MAST4: variants seen among roughly 807,000 people sequenced by gnomAD.
MAST4 encodes the protein microtubule-associated serine/threonine-protein kinase 4.
MAST4 carries 89 observed loss-of-function variants against 162.7 expected under a neutral mutation model. That is an observed-to-expected ratio of 0.55 (90% CI 0.46 to 0.65). The LOEUF is 0.65. Among genes scored for constraint, MAST4 ranks in the 30% least tolerant of loss-of-function variants. The probability of loss-of-function intolerance (pLI) is 0.00; values close to 1 mark genes in which losing one functional copy is unlikely to be tolerated. For missense variants in MAST4, 3,153 were observed against 3,374.0 expected (o/e 0.93, Z 1.62); for synonymous variants, 1,479 against 1,361.1 (o/e 1.09, Z -1.91).
chr5:66,720,154 A>AT (rs1272708011), intron 1 of MAST4, among the ~76,000 whole-genome samples: 2 of 135,650 alleles, frequency 1.5e-5, no homozygotes, highest in Admixed American at 7.8e-5. Context: ...GTTTATTAAA[A>AT]TTTTTTTATC....
At chr5:66,811,898 T>G (rs540415740) in intron 3 of MAST4, among the ~76,000 whole-genome samples, 1 of 152,302 alleles carries the variant, frequency 6.6e-6, no homozygotes, top group African/African-American at 2.4e-5. Context: ...CCTGGTGACT[T>G]TAGGAATCAA....
At chr5:66,832,593 T>C (rs577590576) in intron 3 of MAST4, among the ~76,000 whole-genome samples, 2 of 152,332 alleles carry the variant, frequency 1.3e-5, no homozygotes, top group South Asian at 4.1e-4. Flanking sequence ...AATCTGCCTC[T>C]GTCTCATGGT....
At chr5:66,733,476 A>G (rs1184012014) in intron 1 of MAST4, among the ~76,000 whole-genome samples, 3 of 152,162 alleles carry the variant, frequency 2.0e-5, no homozygotes, top group Non-Finnish European at 2.9e-5. Flanking sequence ...AATTGGCTTA[A>G]TGGGTCATTA....
intron 1 of MAST4, among the ~76,000 whole-genome samples, chr5:66,637,241 C>CT (rs11397237): frequency 0.72 from 104,213 of 145,654 alleles, 37,275 homozygotes; most frequent in East Asian, 0.86. Context: ...TATTTCCATT[C>CT]TTTTTTTTTT....
At chr5:67,074,853 G>T (rs899739838) in intron 5 of MAST4, among the ~76,000 whole-genome samples, 1 of 152,180 alleles carries the variant, frequency 6.6e-6, no homozygotes, top group Non-Finnish European at 1.5e-5. Flanking sequence ...GTTAGAGTCA[G>T]ATTTTAAAAA....
chr5:67,078,911 A>AATAAATATATATATATAATATATATAT (rs1227485756), intron 5 of MAST4, among the ~76,000 whole-genome samples: 1 of 38,110 alleles, frequency 2.6e-5, no homozygotes, highest in Non-Finnish European at 4.4e-5. Flanking sequence ...TTTTTATATA[A>AATAAATATATATATATAATATATATAT]ATATATATAT....
At chr5:66,870,774 T>A (rs1434370676) in intron 3 of MAST4, 1 of 471,284 alleles carries the variant, frequency 2.1e-6, no homozygotes, top group Non-Finnish European at 4.4e-6. Flanking sequence ...CCATTCACTG[T>A]CAGGAAGGGC....
intron 4 of MAST4, among the ~76,000 whole-genome samples, chr5:67,015,048 C>T (rs1202275070): frequency 2.0e-5 from 3 of 152,126 alleles, no homozygotes; most frequent in African/African-American, 7.2e-5. Flanking sequence ...GAATGGGTCC[C>T]AGGTTGGAAA....
chr5:66,650,011 C>T (rs572897072), intron 1 of MAST4, among the ~76,000 whole-genome samples: 1 of 152,048 alleles, frequency 6.6e-6, no homozygotes, highest in Non-Finnish European at 1.5e-5. Context: ...GCAGTCTAAC[C>T]ACTTCTTACA....
intron 9 of MAST4, among the ~76,000 whole-genome samples, chr5:67,102,891 AG>A (rs1357477911): frequency 6.6e-6 from 1 of 152,118 alleles, no homozygotes; most frequent in Non-Finnish European, 1.5e-5. Context: ...TGCCGTAGGG[AG>A]GGTCTACTTT....
chr5:66,606,068 G>C (rs1410631421), intron 1 of MAST4, among the ~76,000 whole-genome samples: 1 of 151,862 alleles, frequency 6.6e-6, no homozygotes, highest in African/African-American at 2.4e-5. Flanking sequence ...ACCAGTTTCT[G>C]TGTATCAGGT....
chr5:67,134,191 G>T (rs1769339312), intron 17 of MAST4, among the ~76,000 whole-genome samples: 1 of 152,050 alleles, frequency 6.6e-6, no homozygotes, highest in African/African-American at 2.4e-5. Flanking sequence ...ACTTAAAAAT[G>T]CATTATTATT....
chr5:66,963,182 TA>T (rs1746235757), intron 4 of MAST4, among the ~76,000 whole-genome samples: 3 of 152,178 alleles, frequency 2.0e-5, no homozygotes, highest in Admixed American at 2.0e-4. Flanking sequence ...ATTTTGAATA[TA>T]TGCATAGGAA....
At chr5:66,684,007 G>C (rs1026941800) in intron 1 of MAST4, among the ~76,000 whole-genome samples, 2 of 152,184 alleles carry the variant, frequency 1.3e-5, no homozygotes, top group Admixed American at 6.5e-5. Flanking sequence ...CACATGAGTC[G>C]TGTGTTTTTC....
chr5:66,884,119 C>T (rs989020808), intron 3 of MAST4, among the ~76,000 whole-genome samples: 8 of 152,128 alleles, frequency 5.3e-5, no homozygotes, highest in Admixed American at 3.9e-4. Context: ...TTATTTAAAC[C>T]TCCATTTCTC....
intron 1 of MAST4, among the ~76,000 whole-genome samples, chr5:66,751,458 T>C (rs941194912): frequency 6.6e-6 from 1 of 152,146 alleles, no homozygotes; most frequent in African/African-American, 2.4e-5. Flanking sequence ...AAGGAGCTGA[T>C]GGAGCTGAAA....
intron 1 of MAST4, among the ~76,000 whole-genome samples, chr5:66,724,131 C>A (rs1751376569): frequency 6.6e-6 from 1 of 152,158 alleles, no homozygotes; most frequent in African/African-American, 2.4e-5. Flanking sequence ...CATGTTGGCC[C>A]ACTTTACCAA....
intron 1 of MAST4, among the ~76,000 whole-genome samples, chr5:66,692,942 C>A (rs563550108): frequency 1.3e-5 from 2 of 150,820 alleles, no homozygotes; most frequent in East Asian, 2.0e-4. Flanking sequence ...ATAATGAAAT[C>A]TATTGCTCAT....
intron 3 of MAST4, among the ~76,000 whole-genome samples, chr5:66,806,700 A>C (rs1386225435): frequency 6.6e-6 from 1 of 152,236 alleles, no homozygotes; most frequent in Non-Finnish European, 1.5e-5. Flanking sequence ...CTGGAGAAAA[A>C]TCATGCATAA....
Sources: allele counts gnomAD v4.1 joint callset (sites outside exome capture counted in the v4.1 genomes callset), GRCh38; gene constraint gnomAD v4.1.1; transcripts MANE v1.5; gene names NCBI Gene and HGNC (gene_info 2026-07-23, HGNC 2026-07-21).